The following KMT5C variants were observed in gnomAD, a reference collection of about 807,000 sequenced individuals.
The protein encoded by KMT5C is histone-lysine N-methyltransferase KMT5C.
KMT5C carries 16 observed loss-of-function variants against 38.2 expected under a neutral mutation model. The ratio of observed to expected loss-of-function variants is 0.42; its 90% CI spans 0.28 to 0.64. The LOEUF is 0.64. Ranked by LOEUF, KMT5C falls within the 30% of genes least tolerant of loss-of-function variation. The pLI, the probability that KMT5C is intolerant of heterozygous loss-of-function variation, is 0.23. For synonymous variants in KMT5C, 291 were observed against 279.0 expected (o/e 1.04, Z -0.43); for missense variants, 598 against 665.1 (o/e 0.90, Z 1.11).
rs558790811 is a variant in KMT5C at position 55,339,941 on chromosome 19, A to C, written c.-160A>C. 11 of 153,978 alleles carry C rather than the reference A, an allele frequency of 7.1e-5. No individual in the cohort carries two copies. In the East Asian group the frequency reaches 2.1e-3, roughly 30 times the overall value. The allele number at this position is 153,978 out of a possible 1,614,324, so 9.5% of individuals were successfully genotyped here. ...GCGGCGGCGGCGCGGGCGCCTGAGGAGGAGGAGGAGAAGCGGGTGAGGGGC... is the reference window on the plus strand; with the variant it reads ...GCGGCGGCGGCGCGGGCGCCTGAGGCGGAGGAGGAGAAGCGGGTGAGGGGC... On this transcript the variant is annotated 5_prime_UTR_variant, in exon 1 of 9. Coordinates refer to ENST00000255613, the MANE Select transcript of KMT5C (RefSeq NM_032701.4).
At chr19:55,345,999 G>C (rs995104709) in intron 6 of KMT5C, 18 of 601,156 alleles carry the variant, frequency 3.0e-5, no homozygotes, top group African/African-American at 2.8e-4. Context: ...GCAGGGAGGG[G>C]TGGAAACCAG....
rs1044383579 is a variant in KMT5C, at chr19:55,343,113, C to A, written c.386+262C>A. 3 of 441,824 alleles carry A rather than the reference C, an allele frequency of 6.8e-6. No individual in the cohort carries two copies. The highest frequency in any genetic ancestry group is 8.4e-6 in the Non-Finnish European group (2 of 239,066). 27.4% of individuals were successfully genotyped at this position (441,824 alleles called of 1,614,324 possible). On this transcript the variant is annotated intron_variant, in intron 4 of 8. Transcript: ENST00000255613. This position sits in a 1 kb window ranked among gnomAD's most constrained non-coding sequence, Gnocchi z 5.5. Reference sequence around the variant, plus strand: ...AGGCTTCTGGTCAGGGCCGTGCTGTCCTTACCTCCTTGTGACCTGAGCCCC... The same window carrying A: ...AGGCTTCTGGTCAGGGCCGTGCTGTACTTACCTCCTTGTGACCTGAGCCCC...
chr19:55,346,072 C>A, intron 6 of KMT5C, 141 bp from the exon 7 acceptor site: 1 of 1,006,194 alleles, frequency 9.9e-7, no homozygotes, highest in Non-Finnish European at 1.5e-6. Context: ...GCAGCCGCCT[C>A]GGAATGCCAC....
At position 55,344,101 on chromosome 19, in the gene KMT5C, G is replaced by A. The variant is rs182555603; in HGVS notation, c.570+104G>A. On this transcript the variant is annotated intron_variant, in intron 6 of 8. Coordinates refer to ENST00000255613, the MANE Select transcript of KMT5C (RefSeq NM_032701.4). Reference sequence around the variant, plus strand: ...GTAAAGAGCCAAACACCGGCCGGGCGCGGTGGCTCATGCCTGTAATCCCAG... The same window carrying A: ...GTAAAGAGCCAAACACCGGCCGGGCACGGTGGCTCATGCCTGTAATCCCAG... The A allele has an allele frequency of 3.1e-4, 404 of 1,305,170 alleles. 2 individuals carry two copies. The African/African-American group carries it at 3.8e-3, about 12-fold the overall frequency. The allele number at this position is 1,305,170 out of a possible 1,614,324, so 80.8% of individuals were successfully genotyped here.
rs764521081 is a variant in KMT5C at position 55,344,874 on chromosome 19, T to C, written c.570+877T>C. On this transcript the variant is annotated intron_variant, in intron 6 of 8. Coordinates refer to ENST00000255613, the MANE Select transcript of KMT5C (RefSeq NM_032701.4). Reference sequence around the variant, plus strand: ...AGGCATGACAAAGGGATCCAGATTTTTGGCTCCAGAGTCAGAACTGAGTTG... The same window carrying C: ...AGGCATGACAAAGGGATCCAGATTTCTGGCTCCAGAGTCAGAACTGAGTTG... 6 of 473,390 alleles carry C rather than the reference T, an allele frequency of 1.3e-5. No homozygotes were observed. The East Asian group carries it at 3.4e-4, about 27-fold the overall frequency. 29.3% of individuals were successfully genotyped at this position (473,390 alleles called of 1,614,324 possible). A position where few individuals can be genotyped will look rare whatever the true frequency, so the allele number is the denominator to read the frequency against.
rs2089638897 is a variant in KMT5C, at chr19:55,347,754, G to A, written c.*305G>A. ...CCCCCTCAGCCCCTTCCTCCCCAGG[G>A]AGCAAAGCCATAAGGGGCAGGGGCC... On this transcript the variant is annotated 3_prime_UTR_variant, in exon 9 of 9. Transcript: ENST00000255613. This position sits in a 1 kb window ranked among gnomAD's most constrained non-coding sequence, Gnocchi z 4.6. 1 of 416,976 alleles carries A rather than the reference G, an allele frequency of 2.4e-6. No homozygotes were observed. Among genetic ancestry groups the A allele is most frequent in the Admixed American group, 4.2e-5 (1 of 23,956 alleles). 25.8% of individuals were successfully genotyped at this position (416,976 alleles called of 1,614,324 possible).
At chr19:55,346,043 A>G in intron 6 of KMT5C, 170 bp from the exon 7 acceptor site, 2 of 700,646 alleles carry the variant, frequency 2.9e-6, no homozygotes, top group East Asian at 2.7e-5. Context: ...CTACAGGCAA[A>G]GGACAGGCCC....
intron 3 of KMT5C, 102 bp downstream of exon 3, chr19:55,342,482 TG>T: frequency 2.1e-6 from 2 of 959,976 alleles, no homozygotes; most frequent in Non-Finnish European, 3.0e-6. Context: ...GCGCAGCCCC[TG>T]GGGCCCCCTG....
chr19:55,347,448 G>A lies in KMT5C; in HGVS notation c.1388G>A (p.Ter463=), dbSNP rs557988704. The A allele has an allele frequency of 4.0e-5, 61 of 1,529,782 alleles. No homozygotes were observed. In the Admixed American group the frequency reaches 1.2e-3, roughly 29 times the overall value. 94.8% of individuals were successfully genotyped at this position (1,529,782 alleles called of 1,614,324 possible). The change falls in exon 9 of 9, where the codon TGA becomes TAA. Residue 463 remains the stop codon, a stop_retained_variant. Transcript: ENST00000255613. The surrounding 1 kb of genome is among the most constrained non-coding windows in gnomAD (Gnocchi z 4.6). ...IDLDVGGEEL[*] is the part of the protein sequence containing the mutation. ...CTGGATGTCGGCGGTGAAGAGCTGT[G>A]ACAGGCCGGACGGGGAGGCCCAGCA...
Position 55,347,488 on chromosome 19 carries a change from C to T in KMT5C, c.*39C>T. The T allele has an allele frequency of 3.3e-6, 5 of 1,502,578 alleles. No individual in the cohort carries two copies. The highest frequency in any genetic ancestry group is 4.4e-6 in the Non-Finnish European group (5 of 1,134,694). The allele number at this position is 1,502,578 out of a possible 1,614,324, so 93.1% of individuals were successfully genotyped here. ...GAGGCCCAGCAGGGAGAGAGGGTCT[C>T]TCTCCTAGCTGCTACCCAGGACCTC... On this transcript the variant is annotated 3_prime_UTR_variant, in exon 9 of 9. Transcript: ENST00000255613. The surrounding 1 kb of genome is among the most constrained non-coding windows in gnomAD (Gnocchi z 4.6).
In KMT5C at chr19:55,344,006, T is replaced by A; in HGVS notation, c.570+9T>A. ...GCAAACCCAACTGCAAGGTAAGGCC[T>A]TGGGACTCGGGAGGAGAGGGCACGC... is the stretch of plus-strand genomic sequence containing the variant. On this transcript the variant is annotated intron_variant, in intron 6 of 8. Transcript: ENST00000255613. 1.2e-6 allele frequency: 2 copies of A among 1,610,634 alleles called. No individual in the cohort carries two copies. Among genetic ancestry groups the A allele is most frequent in the Non-Finnish European group, 1.7e-6 (2 of 1,177,260 alleles).
rs1213063872 is a variant in KMT5C at position 55,347,309 on chromosome 19, C to G, written c.1249C>G (p.Pro417Ala). The G allele has an allele frequency of 1.3e-6, 2 of 1,572,834 alleles. No individual in the cohort carries two copies. Among genetic ancestry groups the G allele is most frequent in the East Asian group, 2.3e-5 (1 of 43,002 alleles). The change falls in exon 9 of 9, where the codon CCA becomes GCA. Residue 417 changes from proline (P) to alanine (A), a missense_variant. Physicochemically the swap from Pro to Ala is conservative, Grantham distance 27. Transcript: ENST00000255613. The surrounding 1 kb of genome is among the most constrained non-coding windows in gnomAD (Gnocchi z 4.6). ...RRLAPAPPAT[P>A]APAGTPGPIL... ...CCTGGCCCCAGCCCCACCAGCTACC[C>G]CAGCCCCTGCTGGGACCCCAGGCCC... is the stretch of plus-strand genomic sequence containing the variant.
intron 3 of KMT5C, 107 bp downstream of exon 3, chr19:55,342,487 C>A (rs948881961): frequency 2.1e-5 from 19 of 902,728 alleles, no homozygotes; most frequent in Non-Finnish European, 2.0e-5. Flanking sequence ...GCCCCTGGGG[C>A]CCCCTGACTT....
At position 55,342,381 on chromosome 19, in the gene KMT5C, G is replaced by A; in HGVS notation, c.276+1G>A. The stretch of plus-strand genomic sequence containing the variant: ...GCAGGAGGCTGCCCTCAAGACCCAC[G>A]TGAGGGCGCCCTCCCCTCCCCCGCC... On this transcript the variant is annotated splice_donor_variant, in intron 3 of 8. Coordinates refer to ENST00000255613, the MANE Select transcript of KMT5C (RefSeq NM_032701.4). LOFTEE classifies it high-confidence loss of function. 1 of 1,499,864 alleles carries A rather than the reference G, an allele frequency of 6.7e-7. No individual in the cohort carries two copies. The highest frequency in any genetic ancestry group is 8.9e-7 in the Non-Finnish European group (1 of 1,125,450). The allele number at this position is 1,499,864 out of a possible 1,614,324, so 92.9% of individuals were successfully genotyped here.
rs368324629 is a variant in KMT5C at position 55,347,360 on chromosome 19, G to A, written c.1300G>A (p.Ala434Thr). The change falls in exon 9 of 9, where the codon GCC becomes ACC. Residue 434 changes from alanine (A) to threonine (T), a missense_variant. Physicochemically the swap from Ala to Thr is moderately conservative, Grantham distance 58. Coordinates refer to ENST00000255613, the MANE Select transcript of KMT5C (RefSeq NM_032701.4). The surrounding 1 kb of genome is among the most constrained non-coding windows in gnomAD (Gnocchi z 4.6). ...CATCCTGATCCCGAAGCAGGCCCTC[G>A]CCTTCGCCCCCTTCTCCCCACCCAA... ...GPILIPKQAL[A>T]FAPFSPPKRL... 44 of 1,581,514 alleles carry A rather than the reference G, an allele frequency of 2.8e-5. No individual in the cohort carries two copies. The African/African-American group carries it at 3.6e-4, about 13-fold the overall frequency.
intron 3 of KMT5C, 45 bp downstream of exon 3, chr19:55,342,425 C>T (rs751708903): frequency 1.2e-5 from 17 of 1,391,592 alleles, no homozygotes; most frequent in East Asian, 5.0e-5. Flanking sequence ...GTGTCCTCCC[C>T]GCTCACCGGG....
chr19:55,345,919 G>A (rs2089611381), intron 6 of KMT5C, among the ~76,000 whole-genome samples: 1 of 152,184 alleles, frequency 6.6e-6, no homozygotes. Context: ...CGGGGCCACA[G>A]AGGCTGGAGG....
chr19:55,344,235 G>A (rs983283279), intron 6 of KMT5C: 6 of 395,968 alleles, frequency 1.5e-5, no homozygotes, highest in South Asian at 5.4e-5. Flanking sequence ...GGTGGCGGGC[G>A]CCTGTAGTCT....
intron 4 of KMT5C, 90 bp downstream of exon 4, chr19:55,342,941 CG>C: frequency 2.4e-6 from 2 of 833,630 alleles, no homozygotes; most frequent in Non-Finnish European, 4.1e-6. Flanking sequence ...ACTGGCCAAC[CG>C]GGGAAAAGCG....
Sources: allele counts gnomAD v4.1 joint callset (sites outside exome capture counted in the v4.1 genomes callset), GRCh38; gene constraint gnomAD v4.1.1; non-coding constraint Gnocchi (gnomAD v3.1); transcripts MANE v1.5; gene names NCBI Gene and HGNC (gene_info 2026-07-23, HGNC 2026-07-21).